The following KSR1 variants were observed in gnomAD, a reference collection of about 807,000 sequenced individuals.
KSR1 encodes kinase suppressor of ras 1.
KSR1 carries 35 observed loss-of-function variants against 92.9 expected under a neutral mutation model. The observed-to-expected ratio is 0.38, with a 90% CI of 0.29 to 0.50. The LOEUF (loss-of-function observed/expected upper bound fraction) is 0.50. Ranked by LOEUF, KSR1 falls within the 20% of genes least tolerant of loss-of-function variation. KSR1 has a pLI of 0.94. For missense variants in KSR1, 972 were observed against 1,158.5 expected (o/e 0.84, Z 2.34); for synonymous variants, 467 against 472.6 (o/e 0.99, Z 0.15).
rs768392326 is a variant in KSR1, at chr17:27,582,792, C to A, written c.667C>A (p.Gln223Lys). The A allele has an allele frequency of 1.2e-6, 2 of 1,613,720 alleles. No individual in the cohort carries two copies. Among genetic ancestry groups the A allele is most frequent in the South Asian group, 2.2e-5 (2 of 91,074 alleles). The change falls in exon 4 of 21, where the codon CAG becomes AAG. Residue 223 changes from glutamine to lysine, a missense_variant. Gln to Lys is a moderately conservative substitution (Grantham distance 53). Transcript: ENST00000644974. ...SQLGRAGNSAQGPRSISVSAL... is the reference protein window; with the variant it reads ...SQLGRAGNSAKGPRSISVSAL... ...GCTGGGCAGAGCAGGCAACAGCGCC[C>A]AGGGCCCACGCTCCATCTCCGTGTC...
At chr17:27,543,272 C>T (rs2071033992) in intron 1 of KSR1, among the ~76,000 whole-genome samples, 1 of 152,250 alleles carries the variant, frequency 6.6e-6, no homozygotes, top group Non-Finnish European at 1.5e-5. Context: ...GGAACCCAGC[C>T]TCCCAAATCA....
chr17:27,543,831 G>A (rs941272703), intron 1 of KSR1, among the ~76,000 whole-genome samples: 2 of 152,228 alleles, frequency 1.3e-5, no homozygotes, highest in Non-Finnish European at 2.9e-5. Context: ...GTGGGTACAG[G>A]TCTTGGCCGT....
chr17:27,611,383 G>A, intron 17 of KSR1, 111 bp from the exon 18 acceptor site: 3 of 1,411,462 alleles, frequency 2.1e-6, no homozygotes, highest in Non-Finnish European at 9.6e-7. Flanking sequence ...AGTGGGTGAG[G>A]AAGGCTGGAG....
Position 27,624,822 on chromosome 17 carries a change from G to A in KSR1, c.*1430G>A, listed in dbSNP as rs1283112140. 1 of 152,194 alleles carries A rather than the reference G, an allele frequency of 6.6e-6. No homozygotes were observed. The highest frequency in any genetic ancestry group is 1.9e-4 in the East Asian group (1 of 5,184). The allele number at this position is 152,194 out of a possible 1,614,324, so 9.4% of individuals were successfully genotyped here. Reference sequence around the variant, plus strand: ...ACCCCTTCCAGTTAAGACCTGCCTAGCAGAGCCCCAGTCTCCAGCCCCTTC... The same window carrying A: ...ACCCCTTCCAGTTAAGACCTGCCTAACAGAGCCCCAGTCTCCAGCCCCTTC... On this transcript the variant is annotated 3_prime_UTR_variant, in exon 21 of 21. Transcript: ENST00000644974.
chr17:27,466,440 G>T (rs2019698273), intron 1 of KSR1, among the ~76,000 whole-genome samples: 1 of 152,164 alleles, frequency 6.6e-6, no homozygotes, highest in African/African-American at 2.4e-5. Context: ...TGCCGAGAGA[G>T]GTGTGCCCGC....
At chr17:27,522,842 T>C (rs2945406) in intron 1 of KSR1, among the ~76,000 whole-genome samples, 142,711 of 152,302 alleles carry the variant, frequency 0.94, 66,965 homozygotes, top group East Asian at 1. Context: ...TGCAGGGTGG[T>C]CTGTCCTCAG....
chr17:27,606,603 T>G (rs1196349849), intron 14 of KSR1, among the ~76,000 whole-genome samples: 1 of 152,104 alleles, frequency 6.6e-6, no homozygotes, highest in Non-Finnish European at 1.5e-5. Flanking sequence ...CAACCAGTTT[T>G]GGGGCAGTAT....
chr17:27,585,755 A>T (rs2072944684), intron 5 of KSR1, 94 bp downstream of exon 5: 1 of 719,464 alleles, frequency 1.4e-6, no homozygotes, highest in Non-Finnish European at 2.6e-6. Flanking sequence ...CCCACCTCTT[A>T]GCCCGTTCAG....
rs1029652730 is a variant in KSR1 at position 27,623,574 on chromosome 17, C to T, written c.*182C>T. On this transcript the variant is annotated 3_prime_UTR_variant, in exon 21 of 21. Coordinates refer to ENST00000644974, the MANE Select transcript of KSR1 (RefSeq NM_001394583.1). ...GGAGATGGAGCTGCACCTGCTATTT[C>T]TTAAAATGACACCACCAACAACCAA... The T allele has an allele frequency of 1.6e-6, 1 of 640,854 alleles. No homozygotes were observed. The highest frequency in any genetic ancestry group is 2.9e-5 in the Admixed American group (1 of 35,006). The allele number at this position is 640,854 out of a possible 1,614,324, so 39.7% of individuals were successfully genotyped here.
At chr17:27,502,313 G>A (rs2069219690) in intron 1 of KSR1, among the ~76,000 whole-genome samples, 3 of 152,206 alleles carry the variant, frequency 2.0e-5, no homozygotes, top group Non-Finnish European at 2.9e-5. Flanking sequence ...CGAAGACAAG[G>A]TGGCTGTCCA....
intron 11 of KSR1, 144 bp downstream of exon 11, chr17:27,601,545 A>ATG: frequency 1.4e-6 from 1 of 715,782 alleles, no homozygotes; most frequent in South Asian, 1.8e-5. Flanking sequence ...CTGCCCATAG[A>ATG]GGATGGGAAG....
chr17:27,600,263 C>T (rs537178015), intron 10 of KSR1, among the ~76,000 whole-genome samples: 57 of 151,832 alleles, frequency 3.8e-4, no homozygotes, highest in South Asian at 3.5e-3. Flanking sequence ...AGTGAAACCC[C>T]GTCTCTACTA....
intron 1 of KSR1, among the ~76,000 whole-genome samples, chr17:27,484,173 G>A (rs774234212): frequency 6.6e-6 from 1 of 152,216 alleles, no homozygotes; most frequent in Admixed American, 6.5e-5. Flanking sequence ...GTGGGGAGCC[G>A]CCCTTCCTTC....
chr17:27,580,912 A>G (rs1048726365), intron 3 of KSR1, among the ~76,000 whole-genome samples: 3 of 152,152 alleles, frequency 2.0e-5, no homozygotes, highest in African/African-American at 7.2e-5. Context: ...GACTACCAGT[A>G]TGCACCACCA....
At chr17:27,535,275 A>G (rs2070713757) in intron 1 of KSR1, among the ~76,000 whole-genome samples, 1 of 152,176 alleles carries the variant, frequency 6.6e-6, no homozygotes, top group Admixed American at 6.5e-5. Flanking sequence ...CTGTCTTGCC[A>G]GAGCGCTCCG....
chr17:27,474,531 AAT>A (rs2068280909), intron 1 of KSR1, among the ~76,000 whole-genome samples: 1 of 152,244 alleles, frequency 6.6e-6, no homozygotes, highest in Non-Finnish European at 1.5e-5. Flanking sequence ...CTTTCTGAGC[AAT>A]AGTTTCCTCA....
chr17:27,595,135 C>T (rs999478438), intron 9 of KSR1, among the ~76,000 whole-genome samples: 5 of 152,234 alleles, frequency 3.3e-5, no homozygotes, highest in Non-Finnish European at 7.3e-5. Flanking sequence ...ACCTGTTGAA[C>T]TTAGCATTTA....
In KSR1 at chr17:27,592,576, A is replaced by C. The variant is rs559580798; in HGVS notation, c.1249A>C (p.Arg417=). The C allele has an allele frequency of 1.2e-6, 2 of 1,613,914 alleles. No homozygotes were observed. Among genetic ancestry groups the C allele is most frequent in the Admixed American group, 1.7e-5 (1 of 60,002 alleles). ...CTCGGACATCAACAACCCGGTGGAC[A>C]GAGCAGCCGAACCCCATTTTGGAAC... ...VPSDINNPVD[R]AAEPHFGTLP... is the part of the protein sequence containing the mutation. Residue 417 remains arginine (R), a synonymous_variant, in exon 9 of 21, where the codon AGA becomes CGA. Coordinates refer to ENST00000644974, the MANE Select transcript of KSR1 (RefSeq NM_001394583.1).
At chr17:27,556,338 C>T (rs991883082) in intron 2 of KSR1, among the ~76,000 whole-genome samples, 6 of 152,188 alleles carry the variant, frequency 3.9e-5, no homozygotes, top group African/African-American at 1.2e-4. Context: ...CCTCACTTCC[C>T]AAGTAGCTGG....
Sources: allele counts gnomAD v4.1 joint callset (sites outside exome capture counted in the v4.1 genomes callset), GRCh38; gene constraint gnomAD v4.1.1; transcripts MANE v1.5; gene names NCBI Gene and HGNC (gene_info 2026-07-23, HGNC 2026-07-21).